PPARGC1A: variants seen among roughly 807,000 people sequenced by gnomAD.
PPARGC1A encodes PPARG coactivator 1 alpha.
A neutral mutation model predicts 88.7 loss-of-function variants in PPARGC1A; 25 were observed. That is an observed-to-expected ratio of 0.28 (90% confidence interval 0.21 to 0.39). PPARGC1A has a LOEUF of 0.39. Ranked by LOEUF, PPARGC1A falls within the 10% of genes least tolerant of loss-of-function variation. The pLI is 1.00. For missense variants in PPARGC1A, 880 were observed against 968.7 expected, an observed-to-expected ratio of 0.91 and a Z score of 1.22; for synonymous variants, 363 against 355.6, an observed-to-expected ratio of 1.02 and a Z score of -0.24.
the PPARGC1A span, among the ~76,000 whole-genome samples, chr4:24,317,740 C>T: frequency 6.6e-6 from 1 of 151,890 alleles, no homozygotes. Context: ...CAGCCCCGAA[C>T]CCAGACAAGC....
At chr4:24,097,808 C>T in the PPARGC1A span, among the ~76,000 whole-genome samples, 1 of 152,150 alleles carries the variant, frequency 6.6e-6, no homozygotes, top group Non-Finnish European at 1.5e-5. Context: ...TCACCATTCT[C>T]TCTGTAAAAT....
the PPARGC1A span, among the ~76,000 whole-genome samples, chr4:24,374,934 G>C: frequency 1.4e-4 from 21 of 150,916 alleles, 1 homozygote; most frequent in Middle Eastern, 0.014. Flanking sequence ...ATGAAAACCT[G>C]CACCTGCATG....
chr4:24,019,243 C>A, the PPARGC1A span, among the ~76,000 whole-genome samples: 1 of 152,072 alleles, frequency 6.6e-6, no homozygotes, highest in African/African-American at 2.4e-5. Flanking sequence ...TAATCCTAGG[C>A]TAGATTCCTA....
chr4:23,868,749 G>A (rs188250251), intron 2 of PPARGC1A, among the ~76,000 whole-genome samples: 4 of 152,318 alleles, frequency 2.6e-5, no homozygotes, highest in Non-Finnish European at 2.9e-5. Flanking sequence ...TTTATCCCAT[G>A]CCTGGTAAAG....
chr4:24,080,709 T>C, the PPARGC1A span, among the ~76,000 whole-genome samples: 4 of 152,120 alleles, frequency 2.6e-5, no homozygotes, highest in Non-Finnish European at 5.9e-5. Flanking sequence ...CTTCAATCAC[T>C]TTAGGAGAAA....
chr4:23,870,645 G>A (rs1438471252), intron 2 of PPARGC1A, among the ~76,000 whole-genome samples: 2 of 152,164 alleles, frequency 1.3e-5, no homozygotes, highest in Non-Finnish European at 2.9e-5. Context: ...CGTTAAGTGA[G>A]GGGTGAAGAA....
the PPARGC1A span, among the ~76,000 whole-genome samples, chr4:24,440,708 AG>A: frequency 6.6e-6 from 1 of 151,914 alleles, no homozygotes; most frequent in Admixed American, 6.6e-5. Context: ...AGGCTGAGGC[AG>A]GAGGATAGTT....
At chr4:24,278,835 T>C in the PPARGC1A span, among the ~76,000 whole-genome samples, 5 of 152,160 alleles carry the variant, frequency 3.3e-5, no homozygotes, top group African/African-American at 4.8e-5. Flanking sequence ...CTGCACACAG[T>C]AGTCAAACCA....
the PPARGC1A span, among the ~76,000 whole-genome samples, chr4:24,061,412 A>C: frequency 6.6e-6 from 1 of 152,228 alleles, no homozygotes; most frequent in African/African-American, 2.4e-5. Context: ...TAAAAACCAC[A>C]TAAAATGCCT....
intron 2 of PPARGC1A, among the ~76,000 whole-genome samples, chr4:23,858,869 G>T (rs1444621477): frequency 6.6e-6 from 1 of 150,858 alleles, no homozygotes; most frequent in Non-Finnish European, 1.5e-5. Context: ...GACTGGCTGA[G>T]TTGAAATATA....
At chr4:24,113,198 A>G in the PPARGC1A span, among the ~76,000 whole-genome samples, 1,819 of 152,266 alleles carry the variant, frequency 0.012, 41 homozygotes, top group African/African-American at 0.041. Flanking sequence ...TCTATCTCAC[A>G]AAACAATTGA....
chr4:24,466,518 T>C, the PPARGC1A span, among the ~76,000 whole-genome samples: 1 of 152,118 alleles, frequency 6.6e-6, no homozygotes, highest in Non-Finnish European at 1.5e-5. Flanking sequence ...ATCTATAAAA[T>C]GGGAATAACA....
the PPARGC1A span, among the ~76,000 whole-genome samples, chr4:24,194,304 T>A: frequency 6.6e-6 from 1 of 152,138 alleles, no homozygotes; most frequent in Admixed American, 6.5e-5. Context: ...TTTTGGTTAA[T>A]CCAATTAAAT....
chr4:24,272,550 A>G, the PPARGC1A span, among the ~76,000 whole-genome samples: 1 of 152,176 alleles, frequency 6.6e-6, no homozygotes, highest in Non-Finnish European at 1.5e-5. Flanking sequence ...TCATTATTCT[A>G]ATATAAGAAC....
the PPARGC1A span, among the ~76,000 whole-genome samples, chr4:24,124,560 G>A: frequency 1.9e-3 from 289 of 152,288 alleles, no homozygotes; most frequent in African/African-American, 6.4e-3. Context: ...TAAGCTATGC[G>A]TCTTTGCCGA....
the PPARGC1A span, among the ~76,000 whole-genome samples, chr4:24,455,724 G>T: frequency 1.3e-5 from 2 of 152,284 alleles, no homozygotes; most frequent in African/African-American, 4.8e-5. Flanking sequence ...CTTATTATAA[G>T]AGGGAGCTCA....
At chr4:24,215,359 C>G in the PPARGC1A span, among the ~76,000 whole-genome samples, 1 of 152,188 alleles carries the variant, frequency 6.6e-6, no homozygotes, top group African/African-American at 2.4e-5. Context: ...AAGACCCGAG[C>G]TGACCTTCAC....
chr4:23,812,476 C>G (rs1721099825), intron 10 of PPARGC1A, among the ~76,000 whole-genome samples: 1 of 152,026 alleles, frequency 6.6e-6, no homozygotes, highest in Non-Finnish European at 1.5e-5. Flanking sequence ...AATCTCTACT[C>G]CCTCCATTTT....
the PPARGC1A span, among the ~76,000 whole-genome samples, chr4:23,944,535 A>G: frequency 4.6e-5 from 7 of 152,308 alleles, no homozygotes; most frequent in South Asian, 1.4e-3. Context: ...CCAAGTGAAA[A>G]CAAAATCAGA....
Sources: gnomAD v4.1 joint callset for allele counts (sites outside exome capture counted in the v4.1 genomes callset) on GRCh38, gnomAD v4.1.1 for gene constraint, MANE v1.5 for transcripts, NCBI Gene and HGNC (gene_info 2026-07-23, HGNC 2026-07-21) for gene names.